The following PLCB1 variants were observed in gnomAD, a reference collection of about 807,000 sequenced individuals.
PLCB1 encodes the protein phospholipase C beta 1.
Under a neutral mutation model 161.8 loss-of-function variants are expected in PLCB1, and 46 were observed. The observed-to-expected ratio is 0.28, with a 90% CI of 0.22 to 0.36. The LOEUF (loss-of-function observed/expected upper bound fraction) is 0.36. Among genes scored for constraint, PLCB1 ranks in the 10% least tolerant of loss-of-function variants. PLCB1 has a pLI of 1.00. For synonymous variants in PLCB1, 517 were observed against 503.7 expected (o/e 1.03, Z -0.35); for missense variants, 1,016 against 1,472.5 (o/e 0.69, Z 5.07).
At chr20:8,819,290 T>C (rs1985223686) in intron 31 of PLCB1, among the ~76,000 whole-genome samples, 1 of 152,136 alleles carries the variant, frequency 6.6e-6, no homozygotes, top group South Asian at 2.1e-4. Flanking sequence ...CAATAAACAT[T>C]GAAAGAACTA....
chr20:8,568,966 G>A (rs1166031246), intron 3 of PLCB1, among the ~76,000 whole-genome samples: 2 of 152,208 alleles, frequency 1.3e-5, no homozygotes, highest in Non-Finnish European at 2.9e-5. Flanking sequence ...GAGTATTGGG[G>A]ATGAGAGGTT....
intron 3 of PLCB1, among the ~76,000 whole-genome samples, chr20:8,618,500 C>T (rs1380969725): frequency 6.8e-6 from 1 of 147,914 alleles, no homozygotes; most frequent in African/African-American, 2.5e-5. Context: ...CCATTTTCCA[C>T]AAAAAGGAAA....
chr20:8,267,048 A>AT (rs1022021422), intron 2 of PLCB1, among the ~76,000 whole-genome samples: 2 of 151,598 alleles, frequency 1.3e-5, no homozygotes, highest in Non-Finnish European at 2.9e-5. Flanking sequence ...AAAAAAAAAA[A>AT]AGGGAAAAAA....
At chr20:8,540,901 G>A (rs1286235087) in intron 3 of PLCB1, among the ~76,000 whole-genome samples, 1 of 152,016 alleles carries the variant, frequency 6.6e-6, no homozygotes, top group Non-Finnish European at 1.5e-5. Context: ...CTGATGCCCT[G>A]TATTTATTTA....
At chr20:8,477,044 C>T (rs1420799368) in intron 3 of PLCB1, among the ~76,000 whole-genome samples, 1 of 152,140 alleles carries the variant, frequency 6.6e-6, no homozygotes, top group Non-Finnish European at 1.5e-5. Flanking sequence ...GAGGATTACT[C>T]AGCGGGTTCC....
At chr20:8,484,358 T>G (rs563079453) in intron 3 of PLCB1, among the ~76,000 whole-genome samples, 344 of 149,880 alleles carry the variant, frequency 2.3e-3, no homozygotes, top group Admixed American at 6.1e-3. Flanking sequence ...TGCTGCTTCT[T>G]CTTCTTCTTT....
chr20:8,492,715 G>T (rs533317184), intron 3 of PLCB1, among the ~76,000 whole-genome samples: 10 of 152,112 alleles, frequency 6.6e-5, no homozygotes, highest in African/African-American at 2.4e-4. Flanking sequence ...ATCTGTCTGG[G>T]AATATATAAT....
chr20:8,745,071 G>T (rs1282217397), intron 23 of PLCB1, among the ~76,000 whole-genome samples: 1 of 152,088 alleles, frequency 6.6e-6, no homozygotes, highest in Admixed American at 6.6e-5. Flanking sequence ...TAGAGGCATG[G>T]AATCACATGG....
At chr20:8,847,624 C>T (rs996492889) in intron 31 of PLCB1, among the ~76,000 whole-genome samples, 28 of 152,296 alleles carry the variant, frequency 1.8e-4, no homozygotes, top group African/African-American at 5.3e-4. Flanking sequence ...TTAAGTCCCA[C>T]AAGACTGCCC....
At chr20:8,271,865 G>A (rs1982302016) in intron 2 of PLCB1, among the ~76,000 whole-genome samples, 1 of 151,998 alleles carries the variant, frequency 6.6e-6, no homozygotes, top group Non-Finnish European at 1.5e-5. Context: ...GAAGAAGTGA[G>A]GTTATATAAT....
At chr20:8,352,789 G>A (rs1399167035) in intron 2 of PLCB1, among the ~76,000 whole-genome samples, 1 of 152,062 alleles carries the variant, frequency 6.6e-6, no homozygotes, top group African/African-American at 2.4e-5. Context: ...GGCTGACGGT[G>A]GAAGCAAGGT....
At chr20:8,364,057 T>C (rs1234498697) in intron 2 of PLCB1, among the ~76,000 whole-genome samples, 2 of 152,182 alleles carry the variant, frequency 1.3e-5, no homozygotes, top group Non-Finnish European at 2.9e-5. Context: ...AATAATAATT[T>C]CTCAGTTTTT....
At chr20:8,845,466 A>G (rs892000087) in intron 31 of PLCB1, among the ~76,000 whole-genome samples, 14 of 152,208 alleles carry the variant, frequency 9.2e-5, no homozygotes, top group Admixed American at 2.0e-4. Context: ...TTAAATTTAA[A>G]TTAATTAAAG....
At chr20:8,793,943 C>A (rs1983894493) in intron 31 of PLCB1, among the ~76,000 whole-genome samples, 1 of 152,166 alleles carries the variant, frequency 6.6e-6, no homozygotes, top group Admixed American at 6.5e-5. Flanking sequence ...CCCGCAGGCG[C>A]ACATTATCTT....
chr20:8,651,444 A>G lies in PLCB1; in HGVS notation c.594+1995A>G, dbSNP rs1366390877. 9 of 728,384 alleles carry G rather than the reference A, an allele frequency of 1.2e-5. No individual in the cohort carries two copies. In the Admixed American group the frequency reaches 1.5e-4, roughly 12 times the overall value. 45.1% of individuals were successfully genotyped at this position (728,384 alleles called of 1,614,324 possible). A position where few individuals can be genotyped will look rare whatever the true frequency, so the allele number is the denominator to read the frequency against. On this transcript the variant is annotated intron_variant, in intron 7 of 31. Coordinates refer to ENST00000338037, the MANE Select transcript of PLCB1 (RefSeq NM_015192.4). The stretch of plus-strand genomic sequence containing the variant: ...AAAGCTAATGAGGCTGCGAAAAGTG[A>G]GCAGAGCTGTGGAAAGGCTCCCCCA...
At chr20:8,367,930 T>C (rs1224622297) in intron 2 of PLCB1, among the ~76,000 whole-genome samples, 2 of 152,180 alleles carry the variant, frequency 1.3e-5, no homozygotes, top group South Asian at 2.1e-4. Flanking sequence ...GAATCATCGC[T>C]TTGTAGCCAA....
intron 3 of PLCB1, among the ~76,000 whole-genome samples, chr20:8,574,565 G>T (rs191681551): frequency 1.3e-5 from 2 of 152,342 alleles, no homozygotes; most frequent in Admixed American, 1.3e-4. Flanking sequence ...TTTTGAAGAA[G>T]TTCCCAGGGA....
chr20:8,345,967 C>T (rs1301608880), intron 2 of PLCB1, among the ~76,000 whole-genome samples: 2 of 152,164 alleles, frequency 1.3e-5, no homozygotes, highest in African/African-American at 4.8e-5. Context: ...TTTGAAGGGT[C>T]CAGTGAGGTT....
At chr20:8,269,143 G>T (rs1982142473) in intron 2 of PLCB1, among the ~76,000 whole-genome samples, 1 of 152,012 alleles carries the variant, frequency 6.6e-6, no homozygotes, top group South Asian at 2.1e-4. Flanking sequence ...GTGCAGGTTT[G>T]TTACATAGGT....
Sources: gnomAD v4.1 joint callset for allele counts (sites outside exome capture counted in the v4.1 genomes callset) on GRCh38, gnomAD v4.1.1 for gene constraint, MANE v1.5 for transcripts, NCBI Gene and HGNC (gene_info 2026-07-23, HGNC 2026-07-21) for gene names.